Variants in OGFR observed in about 807,000 individuals in gnomAD.
The protein encoded by OGFR is opioid growth factor receptor.
A neutral mutation model predicts 33.6 loss-of-function variants in OGFR; 18 were observed. That is an observed-to-expected ratio of 0.54 (90% CI 0.37 to 0.80). The LOEUF is 0.80. Among genes scored for constraint, OGFR ranks in the 30% least tolerant of loss-of-function variants. The pLI, the probability that OGFR is intolerant of heterozygous loss-of-function variation, is 0.00. For missense variants in OGFR, 877 were observed against 955.8 expected (o/e 0.92, Z 1.09); for synonymous variants, 370 against 400.7 (o/e 0.92, Z 0.91).
In OGFR at chr20:62,813,814, G is replaced by A. The variant is rs1031228141; in HGVS notation, c.*165G>A. On this transcript the variant is annotated 3_prime_UTR_variant, in exon 7 of 7. Coordinates refer to ENST00000290291, the MANE Select transcript of OGFR (RefSeq NM_007346.4). Reference sequence around the variant, plus strand: ...CACTATAGCAGCCACCAGAAGCCGCGAGGCCCTCAGGGAAGCCCAAGGCCT... The same window carrying A: ...CACTATAGCAGCCACCAGAAGCCGCAAGGCCCTCAGGGAAGCCCAAGGCCT... 30 of 792,846 alleles carry A rather than the reference G, an allele frequency of 3.8e-5. No homozygotes were observed. The highest frequency in any genetic ancestry group is 1.4e-4 in the African/African-American group (8 of 57,446). The allele number at this position is 792,846 out of a possible 1,614,324, so 49.1% of individuals were successfully genotyped here.
rs143257690 is a variant in OGFR, at chr20:62,813,085, C to T, written c.1470C>T (p.His490=). 974 of 1,579,142 alleles carry T rather than the reference C, an allele frequency of 6.2e-4. 5 individuals carry two copies. The African/African-American group carries it at 0.012, about 19-fold the overall frequency. ...ALAGSPAPSG[H]PKAGHSENGV... is the part of the protein sequence containing the mutation. ...CCGGGTCCCCTGCCCCATCGGGGCACCCCAAGGCTGGACACAGTGAGAACG... is the reference window on the plus strand; with the variant it reads ...CCGGGTCCCCTGCCCCATCGGGGCATCCCAAGGCTGGACACAGTGAGAACG... Residue 490 remains histidine, a synonymous_variant, in exon 7 of 7, where the codon CAC becomes CAT. Coordinates refer to ENST00000290291, the MANE Select transcript of OGFR (RefSeq NM_007346.4).
rs1324047695 is a variant in OGFR at position 62,812,214 on chromosome 20, C to T, written c.615-16C>T. The T allele has an allele frequency of 6.7e-7, 1 of 1,487,270 alleles. No individual in the cohort carries two copies. The highest frequency in any genetic ancestry group is 9.0e-7 in the Non-Finnish European group (1 of 1,114,380). The allele number at this position is 1,487,270 out of a possible 1,614,324, so 92.1% of individuals were successfully genotyped here. A position where few individuals can be genotyped will look rare whatever the true frequency, so the allele number is the denominator to read the frequency against. ...GGCCCCAGCCATTGACCTCTCCTGA[C>T]CCGGATCTCTCGCAGGCGCAGCCAC... On this transcript the variant is annotated splice_polypyrimidine_tract_variant and intron_variant, in intron 6 of 6. Transcript: ENST00000290291.
Position 62,809,585 on chromosome 20 carries a change from G to GTTC in OGFR, c.320_321insTTC (p.Gly107_Cys108insSer). The stretch of plus-strand genomic sequence containing the variant: ...TGACTTGTCCCCATGGGGCTCCCAG[G>GTTC]CTGTTTCATTGAGGACATTCTTCAG... On this transcript the variant is annotated inframe_insertion and splice_region_variant, in exon 4 of 7. Coordinates refer to ENST00000290291, the MANE Select transcript of OGFR (RefSeq NM_007346.4). The GTTC allele has an allele frequency of 6.2e-7, 1 of 1,611,798 alleles. No individual in the cohort carries two copies. The highest frequency in any genetic ancestry group is 8.5e-7 in the Non-Finnish European group (1 of 1,179,098).
chr20:62,804,856 G>A lies in OGFR; in HGVS notation c.-4G>A. Reference sequence around the variant, plus strand: ...CTCCAGCGCGAGCCCCGCCGCCGCCGAGCATGGACGACCCCGACTGCGACT... The same window carrying A: ...CTCCAGCGCGAGCCCCGCCGCCGCCAAGCATGGACGACCCCGACTGCGACT... On this transcript the variant is annotated 5_prime_UTR_variant, in exon 1 of 7. Transcript: ENST00000290291. The A allele has an allele frequency of 2.4e-6, 3 of 1,267,514 alleles. No homozygotes were observed. The highest frequency in any genetic ancestry group is 1.4e-5 in the South Asian group (1 of 72,956). The allele number at this position is 1,267,514 out of a possible 1,614,324, so 78.5% of individuals were successfully genotyped here.
Position 62,808,240 on chromosome 20 carries a change from T to A in OGFR, c.241-7T>A. On this transcript the variant is annotated splice_region_variant and splice_polypyrimidine_tract_variant and intron_variant, in intron 2 of 6. Transcript: ENST00000290291. ...ATCCCTGCTGTCCCCTTTCTCTGGC[T>A]CTTCAGGATCTGGTGGAACGAGACT... The A allele has an allele frequency of 6.2e-7, 1 of 1,610,766 alleles. No individual in the cohort carries two copies. Among genetic ancestry groups the A allele is most frequent in the African/African-American group, 1.3e-5 (1 of 75,026 alleles).
chr20:62,812,472 G>GGAC lies in OGFR; in HGVS notation c.858_859insACG (p.Trp286_Gly287insThr). ...TTCCGGCCCCGCTGCAAGTTCGTCT[G>GGAC]GGGGCCCCAAGACAAGCTGCGGAGG... On this transcript the variant is annotated inframe_insertion, in exon 7 of 7. Coordinates refer to ENST00000290291, the MANE Select transcript of OGFR (RefSeq NM_007346.4). 1 of 1,578,466 alleles carries GGAC rather than the reference G, an allele frequency of 6.3e-7. No homozygotes were observed. The highest frequency in any genetic ancestry group is 2.3e-5 in the East Asian group (1 of 42,990).
intron 4 of OGFR, among the ~76,000 whole-genome samples, chr20:62,810,175 CAAG>C (rs1990691662): frequency 1.3e-5 from 2 of 152,136 alleles, no homozygotes; most frequent in South Asian, 4.1e-4. Context: ...AGTGACAACA[CAAG>C]AGAGGGAAGA....
chr20:62,811,383 G>A (rs375113822), intron 5 of OGFR, 79 bp from the exon 6 acceptor site: 21 of 1,513,858 alleles, frequency 1.4e-5, no homozygotes, highest in Middle Eastern at 1.9e-4. Flanking sequence ...TGAGTGAGTC[G>A]GGACCCACGG....
In OGFR at chr20:62,812,358, G is replaced by A; in HGVS notation, c.743G>A (p.Gly248Glu). The A allele has an allele frequency of 6.4e-7, 1 of 1,562,030 alleles. No individual in the cohort carries two copies. The highest frequency in any genetic ancestry group is 8.7e-7 in the Non-Finnish European group (1 of 1,154,002). ...EETLVRRELP[G>E]VRQSALDYFM... ...ACGCTGGTGCGGCGGGAGCTGCCGG[G>A]GGTGCGGCAGAGTGCCCTGGACTAC... Residue 248 changes from glycine (G) to glutamate (E), a missense_variant, in exon 7 of 7, where the codon GGG becomes GAG. Physicochemically the swap from Gly to Glu is moderately conservative, Grantham distance 98. Transcript: ENST00000290291.
chr20:62,811,395 C>T, intron 5 of OGFR, 67 bp from the exon 6 acceptor site: 1 of 1,568,412 alleles, frequency 6.4e-7, no homozygotes, highest in Non-Finnish European at 8.7e-7. Context: ...GACCCACGGC[C>T]ACCCCCACAC....
Position 62,812,580 on chromosome 20 carries a change from A to C in OGFR, c.965A>C (p.Glu322Ala), listed in dbSNP as rs752869904. 10 of 1,575,588 alleles carry C rather than the reference A, an allele frequency of 6.3e-6. No homozygotes were observed. Among genetic ancestry groups the C allele is most frequent in the Non-Finnish European group, 6.0e-6 (7 of 1,161,024 alleles). The part of the protein sequence containing the change: ...EEGSPGDPDH[E>A]ASTQGRTCGP... ...GGAAGCCCCGGGGACCCCGACCACG[A>C]GGCCAGCACCCAGGGTCGGACCTGT... The change falls in exon 7 of 7, where the codon GAG (glutamate) becomes GCG (alanine). Residue 322 changes from glutamate (E) to alanine (A), a missense_variant. Glu to Ala is a moderately radical substitution (Grantham distance 107). Coordinates refer to ENST00000290291, the MANE Select transcript of OGFR (RefSeq NM_007346.4).
chr20:62,808,503 G>A (rs1470869412), intron 3 of OGFR, among the ~76,000 whole-genome samples, 178 bp downstream of exon 3: 18 of 152,164 alleles, frequency 1.2e-4, no homozygotes, highest in Admixed American at 9.2e-4. Context: ...TGGGATCTCC[G>A]CAGTGGTGTT....
At position 62,805,047 on chromosome 20, in the gene OGFR, C is replaced by G. The variant is rs1600770217; in HGVS notation, c.171+17C>G. The G allele has an allele frequency of 7.4e-7, 1 of 1,344,042 alleles. No individual in the cohort carries two copies. The highest frequency in any genetic ancestry group is 9.5e-7 in the Non-Finnish European group (1 of 1,053,740). 83.3% of individuals were successfully genotyped at this position (1,344,042 alleles called of 1,614,324 possible). A position where few individuals can be genotyped will look rare whatever the true frequency, so the allele number is the denominator to read the frequency against. On this transcript the variant is annotated intron_variant, in intron 1 of 6. Coordinates refer to ENST00000290291, the MANE Select transcript of OGFR (RefSeq NM_007346.4). Reference sequence around the variant, plus strand: ...TCGTTCCAGGTGCGGCCCCGCGGCGCGGAAGAGGCCTGGGGTCCCCGGCGC... The same window carrying G: ...TCGTTCCAGGTGCGGCCCCGCGGCGGGGAAGAGGCCTGGGGTCCCCGGCGC...
At chr20:62,812,143 G>T (rs1990741171) in intron 6 of OGFR, 87 bp from the exon 7 acceptor site, 7 of 1,205,438 alleles carry the variant, frequency 5.8e-6, no homozygotes, top group Non-Finnish European at 8.0e-6. Context: ...ACCTCGTGGA[G>T]CCGGGTGGGA....
rs373078338 is a variant in OGFR, at chr20:62,812,579, G to A, written c.964G>A (p.Glu322Lys). 2.4e-4 allele frequency: 376 copies of A among 1,575,782 alleles called. No individual in the cohort carries two copies. The highest frequency in any genetic ancestry group is 3.0e-4 in the Non-Finnish European group (345 of 1,161,168). Residue 322 changes from glutamate (E) to lysine (K), a missense_variant, in exon 7 of 7, where the codon GAG becomes AAG. Coordinates refer to ENST00000290291, the MANE Select transcript of OGFR (RefSeq NM_007346.4). The part of the protein sequence containing the change: ...EEGSPGDPDH[E>K]ASTQGRTCGP... ...AGGAAGCCCCGGGGACCCCGACCAC[G>A]AGGCCAGCACCCAGGGTCGGACCTG...
chr20:62,812,417 C>T lies in OGFR; in HGVS notation c.802C>T (p.Arg268Cys), dbSNP rs767298506. Residue 268 changes from arginine (R) to cysteine (C), a missense_variant, in exon 7 of 7, where the codon CGC (arginine) becomes TGC (cysteine). Coordinates refer to ENST00000290291, the MANE Select transcript of OGFR (RefSeq NM_007346.4). ...MFAVRCRHQR[R>C]QLVHFAWEHF... Reference sequence around the variant, plus strand: ...CGCCGTGCGCTGCCGACACCAGCGCCGCCAGCTGGTGCACTTCGCCTGGGA... The same window carrying T: ...CGCCGTGCGCTGCCGACACCAGCGCTGCCAGCTGGTGCACTTCGCCTGGGA... 5.7e-6 allele frequency: 9 copies of T among 1,582,444 alleles called. No individual in the cohort carries two copies. The highest frequency in any genetic ancestry group is 2.3e-5 in the East Asian group (1 of 43,042).
At chr20:62,805,157 A>AC (rs376920444) in intron 1 of OGFR, 127 bp downstream of exon 1, 83,981 of 594,424 alleles carry the variant, frequency 0.14, 4,115 homozygotes, top group African/African-American at 0.32. Flanking sequence ...AGCCCCGGGG[A>AC]CCCCCCCCCA....
In OGFR at chr20:62,813,923, G is replaced by T. The variant is rs1236662162; in HGVS notation, c.*274G>T. 2 of 553,684 alleles carry T rather than the reference G, an allele frequency of 3.6e-6. No individual in the cohort carries two copies. The highest frequency in any genetic ancestry group is 2.3e-5 in the South Asian group (1 of 44,320). The allele number at this position is 553,684 out of a possible 1,614,324, so 34.3% of individuals were successfully genotyped here. A position where few individuals can be genotyped will look rare whatever the true frequency, so the allele number is the denominator to read the frequency against. ...CTTTGTAAATTGACCCTTCTGGAGTGGGGGGCGGCGGGCAGGGCTGCTTTT... is the reference window on the plus strand; with the variant it reads ...CTTTGTAAATTGACCCTTCTGGAGTTGGGGGCGGCGGGCAGGGCTGCTTTT... On this transcript the variant is annotated 3_prime_UTR_variant, in exon 7 of 7. Transcript: ENST00000290291.
intron 6 of OGFR, among the ~76,000 whole-genome samples, chr20:62,811,824 C>G (rs1990734977): frequency 6.6e-6 from 1 of 152,178 alleles, no homozygotes; most frequent in African/African-American, 2.4e-5. Flanking sequence ...CTTCCTGCAC[C>G]CAGGAGGTGG....
Sources: gnomAD v4.1 joint callset for allele counts (sites outside exome capture counted in the v4.1 genomes callset) on GRCh38, gnomAD v4.1.1 for gene constraint, MANE v1.5 for transcripts, NCBI Gene and HGNC (gene_info 2026-07-23, HGNC 2026-07-21) for gene names.